Variants in FBXW4 observed in about 807,000 individuals in gnomAD.
FBXW4 encodes F-box/WD repeat-containing protein 4.
In FBXW4, 40 loss-of-function variants were observed where a neutral mutation model predicts 61.8. The ratio of observed to expected loss-of-function variants is 0.65; its 90% CI spans 0.50 to 0.84. The LOEUF (loss-of-function observed/expected upper bound fraction) is 0.84, where lower values mean the gene tolerates loss of function less well. Ranked by LOEUF, FBXW4 falls within the 40% of genes least tolerant of loss-of-function variation. The pLI is 0.00. For synonymous variants in FBXW4, 311 were observed against 313.8 expected, an observed-to-expected ratio of 0.99 and a Z score of 0.10; for missense variants, 672 against 753.8, an observed-to-expected ratio of 0.89 and a Z score of 1.27.
At chr10:101,624,604 A>T in intron 6 of FBXW4, 141 bp downstream of exon 6, 2 of 761,450 alleles carry the variant, frequency 2.6e-6, no homozygotes, top group Non-Finnish European at 4.6e-6. Context: ...CCATGTGAGA[A>T]GGCACCACAG....
intron 5 of FBXW4, among the ~76,000 whole-genome samples, chr10:101,658,032 G>A (rs1443170277): frequency 2.0e-5 from 3 of 152,148 alleles, no homozygotes; most frequent in East Asian, 3.9e-4. Context: ...TGGCACTACC[G>A]TAATGATGAA....
intron 5 of FBXW4, among the ~76,000 whole-genome samples, chr10:101,654,070 G>A (rs1474350045): frequency 1.5e-5 from 2 of 135,682 alleles, no homozygotes; most frequent in East Asian, 2.3e-4. Context: ...GCAGTGAGCC[G>A]AGATTGCACC....
At chr10:101,664,622 T>A (rs2064280788) in intron 5 of FBXW4, among the ~76,000 whole-genome samples, 1 of 152,106 alleles carries the variant, frequency 6.6e-6, no homozygotes, top group African/African-American at 2.4e-5. Context: ...TCAAGAAGAC[T>A]GCAAAAGAGC....
chr10:101,626,079 G>C (rs1403010685), intron 5 of FBXW4: 2 of 152,244 alleles, frequency 1.3e-5, no homozygotes, highest in African/African-American at 4.8e-5. Context: ...GCAGGTGTCT[G>C]CTCTTCAGCC....
chr10:101,659,214 T>A (rs1457683117), intron 5 of FBXW4, among the ~76,000 whole-genome samples: 1 of 152,068 alleles, frequency 6.6e-6, no homozygotes, highest in Non-Finnish European at 1.5e-5. Context: ...CCCCAGCACC[T>A]CCCTCACTCC....
At chr10:101,684,394 G>A (rs2064511002) in intron 1 of FBXW4, among the ~76,000 whole-genome samples, 1 of 152,188 alleles carries the variant, frequency 6.6e-6, no homozygotes, top group South Asian at 2.1e-4. Flanking sequence ...CCAAAGTGCT[G>A]GGATTACAGG....
At chr10:101,626,906 T>A (rs2063911525) in intron 5 of FBXW4, 1 of 152,150 alleles carries the variant, frequency 6.6e-6, no homozygotes, top group Non-Finnish European at 1.5e-5. Flanking sequence ...GCTGTGGGAG[T>A]GGCAGGGATG....
chr10:101,680,841 A>T (rs1350014691), intron 1 of FBXW4, among the ~76,000 whole-genome samples: 1 of 152,206 alleles, frequency 6.6e-6, no homozygotes, highest in African/African-American at 2.4e-5. Context: ...ATAATTCAAA[A>T]GAAAAAATTT....
chr10:101,681,194 C>A (rs767114753), intron 1 of FBXW4, among the ~76,000 whole-genome samples: 25 of 150,782 alleles, frequency 1.7e-4, no homozygotes, highest in Non-Finnish European at 3.1e-4. Context: ...TTGAGACCAG[C>A]CTGGCCAACA....
At chr10:101,623,114 C>T (rs2134815128) in intron 6 of FBXW4, 1 of 152,210 alleles carries the variant, frequency 6.6e-6, no homozygotes, top group Admixed American at 6.5e-5. Context: ...AAATATAACA[C>T]CTTTAGAATA....
intron 5 of FBXW4, among the ~76,000 whole-genome samples, chr10:101,629,589 T>C (rs2063935135): frequency 6.6e-6 from 1 of 151,986 alleles, no homozygotes; most frequent in African/African-American, 2.4e-5. Flanking sequence ...CAGCCCCACT[T>C]TCCCTATTTT....
chr10:101,647,367 C>G (rs2064109562), intron 5 of FBXW4, among the ~76,000 whole-genome samples: 1 of 152,138 alleles, frequency 6.6e-6, no homozygotes, highest in Non-Finnish European at 1.5e-5. Flanking sequence ...GAACTACTTG[C>G]TGGGTAGTTC....
intron 1 of FBXW4, among the ~76,000 whole-genome samples, chr10:101,685,901 G>A (rs1003555258): frequency 4.6e-5 from 7 of 152,092 alleles, no homozygotes; most frequent in African/African-American, 9.7e-5. Context: ...AACAACACCC[G>A]TAGCTCCAAA....
intron 5 of FBXW4, among the ~76,000 whole-genome samples, chr10:101,651,222 G>A (rs1225638939): frequency 1.3e-5 from 2 of 152,132 alleles, no homozygotes; most frequent in Non-Finnish European, 2.9e-5. Context: ...CGGTGGGAAG[G>A]GGCCCGCCAA....
intron 2 of FBXW4, among the ~76,000 whole-genome samples, chr10:101,675,014 G>A (rs917590523): frequency 1.3e-5 from 2 of 152,208 alleles, no homozygotes; most frequent in East Asian, 1.9e-4. Context: ...AAGCCTGTCT[G>A]AGTAAACTGG....
chr10:101,648,130 C>T lies in FBXW4; in HGVS notation c.1235+19756G>A, dbSNP rs73351212. Among the ~76,000 whole-genome samples, 1,068 of 152,210 alleles carry T rather than the reference C, an allele frequency of 7.0e-3. 11 individuals carry two copies. Among genetic ancestry groups the T allele is most frequent in the African/African-American group, 0.024 (1,004 of 41,498 alleles). On this transcript the variant is annotated intron_variant, in intron 5 of 8. Coordinates refer to ENST00000331272, the MANE Select transcript of FBXW4 (RefSeq NM_022039.4). ...CTACCAACCAGAAGAAGATATCCTGCGATTTGGGTTTTTTTGTTTGTTTGT... is the reference window on the plus strand; with the variant it reads ...CTACCAACCAGAAGAAGATATCCTGTGATTTGGGTTTTTTTGTTTGTTTGT...
At chr10:101,678,545 T>C (rs73351271) in intron 1 of FBXW4, among the ~76,000 whole-genome samples, 4,062 of 152,242 alleles carry the variant, frequency 0.027, 190 homozygotes, top group African/African-American at 0.09. Flanking sequence ...CCTGCCTCAG[T>C]CTCCTAAGAA....
chr10:101,637,391 C>CAAA (rs908050683), intron 5 of FBXW4, among the ~76,000 whole-genome samples: 25 of 14,828 alleles, frequency 1.7e-3, no homozygotes, highest in Non-Finnish European at 2.1e-3. Flanking sequence ...GACTCCGTCT[C>CAAA]AAAAAAAAAA....
chr10:101,619,074 G>A (rs1468612034), intron 6 of FBXW4, among the ~76,000 whole-genome samples: 2 of 152,122 alleles, frequency 1.3e-5, no homozygotes, highest in Non-Finnish European at 2.9e-5. Context: ...AACACAAGAT[G>A]AGCCTTGATT....
Sources: gnomAD v4.1 joint callset for allele counts (sites outside exome capture counted in the v4.1 genomes callset) on GRCh38, gnomAD v4.1.1 for gene constraint, MANE v1.5 for transcripts, NCBI Gene and HGNC (gene_info 2026-07-23, HGNC 2026-07-21) for gene names.